PSPN: variants seen among roughly 807,000 people sequenced by gnomAD.
PSPN encodes persephin.
PSPN carries 12 observed loss-of-function variants against 9.4 expected under a neutral mutation model. The ratio of observed to expected loss-of-function variants is 1.28; its 90% CI spans 0.82 to 2.07. PSPN has a LOEUF of 2.07. Ranked by LOEUF, PSPN falls within the 30% of genes most tolerant of loss-of-function variation. The pLI is 0.00. For missense variants in PSPN, 229 were observed against 227.4 expected (o/e 1.01, Z -0.05); for synonymous variants, 115 against 106.4 (o/e 1.08, Z -0.50).
chr19:6,375,194 G>C lies in PSPN; in HGVS notation c.*100C>G. The C allele has an allele frequency of 7.5e-7, 1 of 1,339,330 alleles. No individual in the cohort carries two copies. Among genetic ancestry groups the C allele is most frequent in the Non-Finnish European group, 9.7e-7 (1 of 1,030,038 alleles). The allele number at this position is 1,339,330 out of a possible 1,614,324, so 83.0% of individuals were successfully genotyped here. A position where few individuals can be genotyped will look rare whatever the true frequency, so the allele number is the denominator to read the frequency against. On this transcript the variant is annotated 3_prime_UTR_variant, in exon 2 of 2. Transcript: ENST00000245810. ...ATTGCACTCACTGCTGGTCGCCCCA[G>C]CCCACTCCCCTCCTCGTTGTCTCTG...
Position 6,375,549 on chromosome 19 carries a change from G to T in PSPN, c.216C>A (p.Thr72=). Residue 72 remains threonine (T), a synonymous_variant, in exon 2 of 2, where the codon ACC becomes ACA. Coordinates refer to ENST00000245810, the MANE Select transcript of PSPN (RefSeq NM_004158.5). ...CCAGGCCTAGCTCTGCCACGGACAG[G>T]GTCAGGCTCCACAGCTGGCATGGAC... ...LSGPCQLWSL[T]LSVAELGLGY... The T allele has an allele frequency of 6.3e-7, 1 of 1,575,892 alleles. No individual in the cohort carries two copies.
rs1272200356 is a variant in PSPN at position 6,375,866 on chromosome 19, TGA to T, written c.-19_-18del. 6.2e-7 allele frequency: 1 copy of T among 1,613,996 alleles called. No homozygotes were observed. The highest frequency in any genetic ancestry group is 1.7e-5 in the Admixed American group (1 of 60,012). On this transcript the variant is annotated 5_prime_UTR_variant, in exon 1 of 2. Coordinates refer to ENST00000245810, the MANE Select transcript of PSPN (RefSeq NM_004158.5). ...TACGGCCATTGTGACGGGCAGGTCC[TGA>T]GAGTGGGAGCTGTGCCCCAAATTTA...
chr19:6,375,643 GAGC>G, intron 1 of PSPN, 27 bp from the exon 2 acceptor site: 1 of 1,599,180 alleles, frequency 6.3e-7, no homozygotes, highest in Non-Finnish European at 8.5e-7. Context: ...CGCTGACAGT[GAGC>G]AGGGTCAGGG....
rs759147720 is a variant in PSPN at position 6,375,543 on chromosome 19, G to A, written c.222C>T (p.Ser74=). 2.0e-5 allele frequency: 31 copies of A among 1,573,848 alleles called. No individual in the cohort carries two copies. Among genetic ancestry groups the A allele is most frequent in the Non-Finnish European group, 2.6e-5 (30 of 1,159,706 alleles). ...CGTAGCCCAGGCCTAGCTCTGCCAC[G>A]GACAGGGTCAGGCTCCACAGCTGGC... ...GPCQLWSLTL[S]VAELGLGYAS... Residue 74 remains serine, a synonymous_variant, in exon 2 of 2, where the codon TCC becomes TCT. Coordinates refer to ENST00000245810, the MANE Select transcript of PSPN (RefSeq NM_004158.5).
rs774724955 is a variant in PSPN, at chr19:6,375,872, T to A, written c.-23A>T. ...CATTGTGACGGGCAGGTCCTGAGAG[T>A]GGGAGCTGTGCCCCAAATTTATGCC... On this transcript the variant is annotated 5_prime_UTR_variant, in exon 1 of 2. Coordinates refer to ENST00000245810, the MANE Select transcript of PSPN (RefSeq NM_004158.5). 6.8e-6 allele frequency: 11 copies of A among 1,613,348 alleles called. No homozygotes were observed. The highest frequency in any genetic ancestry group is 1.6e-4 in the Middle Eastern group (1 of 6,082).
At position 6,375,306 on chromosome 19, in the gene PSPN, G is replaced by A. The variant is rs1054248375; in HGVS notation, c.459C>T (p.Gly153=). The part of the protein sequence containing the change: ...RLPQLSAAAC[G]CGG ...AGGCCGGGCACCCTCAGCCACCACAGCCGCAGGCAGCCGCCGAGAGCTGGG... is the reference window on the plus strand; with the variant it reads ...AGGCCGGGCACCCTCAGCCACCACAACCGCAGGCAGCCGCCGAGAGCTGGG... The change falls in exon 2 of 2, where the codon GGC becomes GGT. Residue 153 remains glycine (G), a synonymous_variant. Coordinates refer to ENST00000245810, the MANE Select transcript of PSPN (RefSeq NM_004158.5). 8 of 1,418,874 alleles carry A rather than the reference G, an allele frequency of 5.6e-6. No homozygotes were observed. In the African/African-American group the frequency reaches 1.1e-4, roughly 19 times the overall value. The allele number at this position is 1,418,874 out of a possible 1,614,324, so 87.9% of individuals were successfully genotyped here. A position where few individuals can be genotyped will look rare whatever the true frequency, so the allele number is the denominator to read the frequency against.
At position 6,375,834 on chromosome 19, in the gene PSPN, A is replaced by G; in HGVS notation, c.16T>C (p.Phe6Leu). Reference protein sequence around the residue: MAVGKFLLGSLLLLSL... With the variant: MAVGKLLLGSLLLLSL... ...AGGAGCAGCAGGGAGCCCAGCAGGA[A>G]CTTCCCTACGGCCATTGTGACGGGC... is the stretch of plus-strand genomic sequence containing the variant. Residue 6 changes from phenylalanine to leucine, a missense_variant, in exon 1 of 2, where the codon TTC (phenylalanine) becomes CTC (leucine). Physicochemically the swap from Phe to Leu is conservative, Grantham distance 22. Transcript: ENST00000245810. 6.2e-7 allele frequency: 1 copy of G among 1,613,994 alleles called. No homozygotes were observed. The highest frequency in any genetic ancestry group is 8.5e-7 in the Non-Finnish European group (1 of 1,179,972).
In PSPN at chr19:6,375,791, T is replaced by A. The variant is rs1202319070; in HGVS notation, c.59A>T (p.Gln20Leu). 6.2e-7 allele frequency: 1 copy of A among 1,613,886 alleles called. No homozygotes were observed. Among genetic ancestry groups the A allele is most frequent in the Non-Finnish European group, 8.5e-7 (1 of 1,179,974 alleles). The change falls in exon 1 of 2, where the codon CAG becomes CTG. Residue 20 changes from glutamine to leucine, a missense_variant. Physicochemically the swap from Gln to Leu is moderately radical, Grantham distance 113 (BLOSUM62 -2). Coordinates refer to ENST00000245810, the MANE Select transcript of PSPN (RefSeq NM_004158.5). ...CCCACGGGCATCGGGGCCCCAGCCC[T>A]GTCCCAGCTGCAGGGACAGGAGCAG... ...SLLLLSLQLG[Q>L]GWGPDARGVP...
Position 6,375,873 on chromosome 19 carries a change from G to A in PSPN, c.-24C>T, listed in dbSNP as rs759717664. The A allele has an allele frequency of 1.7e-5, 28 of 1,613,876 alleles. No individual in the cohort carries two copies. The highest frequency in any genetic ancestry group is 2.4e-5 in the Non-Finnish European group (28 of 1,179,978). ...ATTGTGACGGGCAGGTCCTGAGAGTGGGAGCTGTGCCCCAAATTTATGCCC... is the reference window on the plus strand; with the variant it reads ...ATTGTGACGGGCAGGTCCTGAGAGTAGGAGCTGTGCCCCAAATTTATGCCC... On this transcript the variant is annotated 5_prime_UTR_variant, in exon 1 of 2. Transcript: ENST00000245810.
Position 6,375,877 on chromosome 19 carries a change from G to A in PSPN, c.-28C>T, listed in dbSNP as rs369296542. 12 of 1,613,704 alleles carry A rather than the reference G, an allele frequency of 7.4e-6. No homozygotes were observed. The African/African-American group carries it at 8.0e-5, about 11-fold the overall frequency. ...TGACGGGCAGGTCCTGAGAGTGGGA[G>A]CTGTGCCCCAAATTTATGCCCTGCC... On this transcript the variant is annotated 5_prime_UTR_variant, in exon 1 of 2. Coordinates refer to ENST00000245810, the MANE Select transcript of PSPN (RefSeq NM_004158.5).
Position 6,375,382 on chromosome 19 carries a change from C to A in PSPN, c.383G>T (p.Arg128Leu). ...AHGGPCCRPTRYTDVAFLDDR... is the reference protein window; with the variant it reads ...AHGGPCCRPTLYTDVAFLDDR... ...ATCGAGGAAGGCCACGTCGGTGTAG[C>A]GAGTGGGCCGGCAGCAGGGCCCGCC... The change falls in exon 2 of 2, where the codon CGC (arginine) becomes CTC (leucine). Residue 128 changes from arginine to leucine, a missense_variant. Physicochemically the swap from Arg to Leu is moderately radical, Grantham distance 102. Coordinates refer to ENST00000245810, the MANE Select transcript of PSPN (RefSeq NM_004158.5). 1.3e-6 allele frequency: 2 copies of A among 1,484,004 alleles called. No homozygotes were observed. The highest frequency in any genetic ancestry group is 2.6e-5 in the East Asian group (1 of 38,500). 91.9% of individuals were successfully genotyped at this position (1,484,004 alleles called of 1,614,324 possible).
chr19:6,375,389 G>A lies in PSPN; in HGVS notation c.376C>T (p.Pro126Ser), dbSNP rs2091916884. ...GRAHGGPCCR[P>S]TRYTDVAFLD... ...AAGGCCACGTCGGTGTAGCGAGTGGGCCGGCAGCAGGGCCCGCCGTGGGCT... is the reference window on the plus strand; with the variant it reads ...AAGGCCACGTCGGTGTAGCGAGTGGACCGGCAGCAGGGCCCGCCGTGGGCT... The change falls in exon 2 of 2, where the codon CCC (proline) becomes TCC (serine). Residue 126 changes from proline to serine, a missense_variant. Transcript: ENST00000245810. The A allele has an allele frequency of 6.7e-7, 1 of 1,483,504 alleles. No homozygotes were observed. The highest frequency in any genetic ancestry group is 2.6e-5 in the East Asian group (1 of 38,668). The allele number at this position is 1,483,504 out of a possible 1,614,324, so 91.9% of individuals were successfully genotyped here.
Position 6,375,792 on chromosome 19 carries a change from G to A in PSPN, c.58C>T (p.Gln20Ter). ...SLLLLSLQLG[Q>*]GWGPDARGVP... The stretch of plus-strand genomic sequence containing the variant: ...CCACGGGCATCGGGGCCCCAGCCCT[G>A]TCCCAGCTGCAGGGACAGGAGCAGC... The change falls in exon 1 of 2, where the codon CAG becomes TAG. Residue 20 changes from glutamine (Q) to a stop codon, truncating the protein, a stop_gained. Transcript: ENST00000245810. LOFTEE classifies it high-confidence loss of function. The A allele has an allele frequency of 1.9e-6, 3 of 1,614,044 alleles. No homozygotes were observed. The highest frequency in any genetic ancestry group is 2.5e-6 in the Non-Finnish European group (3 of 1,179,976).
Position 6,375,788 on chromosome 19 carries a change from C to T in PSPN, c.62G>A (p.Gly21Asp). 3 of 1,614,068 alleles carry T rather than the reference C, an allele frequency of 1.9e-6. No homozygotes were observed. The highest frequency in any genetic ancestry group is 2.2e-5 in the East Asian group (1 of 44,852). ...LLLLSLQLGQ[G>D]WGPDARGVPV... Reference sequence around the variant, plus strand: ...AACCCCACGGGCATCGGGGCCCCAGCCCTGTCCCAGCTGCAGGGACAGGAG... The same window carrying T: ...AACCCCACGGGCATCGGGGCCCCAGTCCTGTCCCAGCTGCAGGGACAGGAG... Residue 21 changes from glycine to aspartate, a missense_variant, in exon 1 of 2, where the codon GGC (glycine) becomes GAC (aspartate). By Grantham distance (94) the Gly-to-Asp change is moderately conservative. Transcript: ENST00000245810.
In PSPN at chr19:6,375,908, T is replaced by G; in HGVS notation, c.-59A>C. ...CCCCAAATTTATGCCCTGCCTGGGC[T>G]GGGAGCTAACCTCTTCACTGCCGGC... On this transcript the variant is annotated 5_prime_UTR_variant, in exon 1 of 2. Transcript: ENST00000245810. The G allele has an allele frequency of 6.2e-7, 1 of 1,608,644 alleles. No individual in the cohort carries two copies. The highest frequency in any genetic ancestry group is 1.1e-5 in the South Asian group (1 of 90,642).
Position 6,375,919 on chromosome 19 carries a change from C to G in PSPN, c.-70G>C. ...TGCCCTGCCTGGGCTGGGAGCTAAC[C>G]TCTTCACTGCCGGCCCCTGCAGCCA... On this transcript the variant is annotated 5_prime_UTR_variant, in exon 1 of 2. Transcript: ENST00000245810. 6.3e-7 allele frequency: 1 copy of G among 1,598,980 alleles called. No homozygotes were observed. The highest frequency in any genetic ancestry group is 8.5e-7 in the Non-Finnish European group (1 of 1,171,978).
rs1243931432 is a variant in PSPN at position 6,375,713 on chromosome 19, C to G, written c.137G>C (p.Gly46Ala). 1 of 1,613,864 alleles carries G rather than the reference C, an allele frequency of 6.2e-7. No homozygotes were observed. The highest frequency in any genetic ancestry group is 1.1e-5 in the South Asian group (1 of 91,030). The change falls in exon 1 of 2, where the codon GGG becomes GCG. Residue 46 changes from glycine to alanine, a missense_variant. By Grantham distance (60) the Gly-to-Ala change is moderately conservative. Transcript: ENST00000245810. ...CTGGAAGTCCTTACCCAGCCAGGTC[C>G]CTCCAGCCTTTGCCACCTGTTCAGA... ...FSSEQVAKAGGTWLGTHRPLA... is the reference protein window; with the variant it reads ...FSSEQVAKAGATWLGTHRPLA...
In PSPN at chr19:6,375,463, G is replaced by A; in HGVS notation, c.302C>T (p.Ala101Val). 1 of 1,545,618 alleles carries A rather than the reference G, an allele frequency of 6.5e-7. No individual in the cohort carries two copies. Among genetic ancestry groups the A allele is most frequent in the Non-Finnish European group, 8.7e-7 (1 of 1,143,644 alleles). Residue 101 changes from alanine to valine, a missense_variant, in exon 2 of 2, where the codon GCC becomes GTC. By Grantham distance (64) the Ala-to-Val change is moderately conservative. Coordinates refer to ENST00000245810, the MANE Select transcript of PSPN (RefSeq NM_004158.5). ...CAGCGCCAGGCCATGCTGGGTGCGG[G>A]CACCACGGGGGCAGCTGCCGGCGCA... ...RYCAGSCPRG[A>V]RTQHGLALAR...
Position 6,375,865 on chromosome 19 carries a change from C to T in PSPN, c.-16G>A. ...CTACGGCCATTGTGACGGGCAGGTC[C>T]TGAGAGTGGGAGCTGTGCCCCAAAT... On this transcript the variant is annotated 5_prime_UTR_variant, in exon 1 of 2. Transcript: ENST00000245810. The T allele has an allele frequency of 2.5e-6, 4 of 1,614,050 alleles. No individual in the cohort carries two copies. The highest frequency in any genetic ancestry group is 3.4e-6 in the Non-Finnish European group (4 of 1,180,016).
Sources: allele counts gnomAD v4.1 joint callset, GRCh38; gene constraint gnomAD v4.1.1; transcripts MANE v1.5; gene names NCBI Gene and HGNC (gene_info 2026-07-23, HGNC 2026-07-21).